The following TRPM5 variants were observed in gnomAD, a reference collection of about 807,000 sequenced individuals.
TRPM5 encodes the protein transient receptor potential cation channel subfamily M member 5.
Under a neutral mutation model 124.9 loss-of-function variants are expected in TRPM5, and 121 were observed. The ratio of observed to expected loss-of-function variants is 0.97; its 90% CI spans 0.84 to 1.13. The LOEUF (loss-of-function observed/expected upper bound fraction) is 1.13. Ranked by LOEUF, TRPM5 falls within the 50% of genes most tolerant of loss-of-function variation. TRPM5 has a pLI of 0.00. For missense variants in TRPM5, 1,643 were observed against 1,589.1 expected, an observed-to-expected ratio of 1.03 and a Z score of -0.58; for synonymous variants, 781 against 700.5, an observed-to-expected ratio of 1.11 and a Z score of -1.81.
chr11:2,412,819 G>A (rs968034030), exon 15 of TRPM5: 4 of 1,604,054 alleles, frequency 2.5e-6, no homozygotes, highest in Non-Finnish European at 3.4e-6. Context: ...GGCCCTGAGG[G>A]GCCCTGGGGG....
chr11:2,435,581 GTCCATCCATCCATCCATCCATCCA>G, the TRPM5 span, among the ~76,000 whole-genome samples: 37 of 150,110 alleles, frequency 2.5e-4, 1 homozygote, highest in African/African-American at 9.1e-4. The surrounding 1 kb of genome is among the most constrained non-coding windows in gnomAD (Gnocchi z 4.1). Flanking sequence ...CCATCTGTCT[GTCCATCCATCCATCCATCCATCCA>G]TCCATCCATC....
At chr11:2,431,876 G>C in the TRPM5 span, among the ~76,000 whole-genome samples, 1 of 152,206 alleles carries the variant, frequency 6.6e-6, no homozygotes, top group African/African-American at 2.4e-5. Flanking sequence ...TGTGTCCCCT[G>C]CATGAGACTA....
At chr11:2,422,240 G>A (rs561344989) in exon 2 of TRPM5, 1 of 1,612,540 alleles carries the variant, frequency 6.2e-7, no homozygotes, top group African/African-American at 1.3e-5. Flanking sequence ...GACACCACCA[G>A]GTTGGGGGCC....
At chr11:2,406,666 G>T (rs144705982) in exon 21 of TRPM5, 1 of 1,609,422 alleles carries the variant, frequency 6.2e-7, no homozygotes, top group African/African-American at 1.3e-5. Context: ...CGCACCTGTG[G>T]GCGGTTTTCC....
chr11:2,436,647 G>C, the TRPM5 span, among the ~76,000 whole-genome samples: 16 of 152,206 alleles, frequency 1.1e-4, no homozygotes, highest in African/African-American at 3.6e-4. Flanking sequence ...GAAGCTTGGC[G>C]GCCAGTGACG....
chr11:2,415,503 G>T (rs11605072), intron 8 of TRPM5, 32 bp from the exon 14 acceptor site: 113 of 1,433,568 alleles, frequency 7.9e-5, no homozygotes, highest in Non-Finnish European at 1.0e-4. Flanking sequence ...AGGGAAGGGG[G>T]ACAAGAGAGT....
Position 2,414,893 on chromosome 11 carries a change from C to A in TRPM5, c.1620+14G>T. On this transcript the variant is annotated intron_variant, in intron 10 of 23. Transcript: ENST00000155858. ...CTCCCCTGCCCCCGCGCTGGGCCCG[C>A]GGCCTGGGCTCACCATGGCCCAGAA... 1.9e-6 allele frequency: 3 copies of A among 1,599,208 alleles called. No individual in the cohort carries two copies. Among genetic ancestry groups the A allele is most frequent in the South Asian group, 2.2e-5 (2 of 89,256 alleles).
chr11:2,424,099 C>T (rs1036071682), upstream of TRPM5, among the ~76,000 whole-genome samples: 12 of 152,246 alleles, frequency 7.9e-5, no homozygotes, highest in African/African-American at 2.9e-4. Context: ...CCTGGGGCTA[C>T]CTGGCAGCTC....
chr11:2,429,199 G>A, the TRPM5 span, among the ~76,000 whole-genome samples: 1 of 151,434 alleles, frequency 6.6e-6, no homozygotes, highest in African/African-American at 2.4e-5. The surrounding 1 kb of genome is among the most constrained non-coding windows in gnomAD (Gnocchi z 8.4). Context: ...GGTGGTGTTG[G>A]TTGTTATGGT....
chr11:2,441,674 C>G, the TRPM5 span, among the ~76,000 whole-genome samples: 1 of 152,130 alleles, frequency 6.6e-6, no homozygotes, highest in Non-Finnish European at 1.5e-5. This position sits in a 1 kb window ranked among gnomAD's most constrained non-coding sequence, Gnocchi z 7.2. Context: ...CTCCAAGAAG[C>G]CTCCCTAGTG....
At chr11:2,434,344 TGTGA>T in the TRPM5 span, among the ~76,000 whole-genome samples, 4 of 150,346 alleles carry the variant, frequency 2.7e-5, no homozygotes, top group East Asian at 2.0e-4. Flanking sequence ...GCTGTGTGTG[TGTGA>T]ATGTGTGTAG....
chr11:2,408,047 C>T, intron 18 of TRPM5, 135 bp from the exon 24 acceptor site: 1 of 1,151,980 alleles, frequency 8.7e-7, no homozygotes, highest in East Asian at 2.6e-5. Flanking sequence ...GACCCACTGT[C>T]CCAGTTCACC....
chr11:2,421,339 G>A (rs1202763689), intron 2 of TRPM5, 141 bp from the exon 8 acceptor site: 1 of 1,119,114 alleles, frequency 8.9e-7, no homozygotes. Flanking sequence ...TCACGGTGGG[G>A]TGGGGAAGCC....
the TRPM5 span, among the ~76,000 whole-genome samples, chr11:2,441,247 G>A: frequency 1.8e-4 from 27 of 152,292 alleles, no homozygotes; most frequent in East Asian, 5.0e-3. The surrounding 1 kb of genome is among the most constrained non-coding windows in gnomAD (Gnocchi z 7.2). Context: ...GTCCTGGAGA[G>A]AGCAGGTGGC....
chr11:2,414,009 G>GGGGCCCCCC, intron 12 of TRPM5, 52 bp downstream of exon 17: 11 of 1,023,718 alleles, frequency 1.1e-5, no homozygotes, highest in Non-Finnish European at 1.4e-5. Flanking sequence ...GGCCCAGCTC[G>GGGGCCCCCC]CCCGCCCACC....
At chr11:2,428,959 ATAG>A in the TRPM5 span, among the ~76,000 whole-genome samples, 8 of 148,810 alleles carry the variant, frequency 5.4e-5, no homozygotes, top group Admixed American at 1.3e-4. This position sits in a 1 kb window ranked among gnomAD's most constrained non-coding sequence, Gnocchi z 4.0. Context: ...TGGGATGATG[ATAG>A]TAGTCATGGT....
At chr11:2,424,368 T>C (rs1049262013), upstream of TRPM5, among the ~76,000 whole-genome samples, 2 of 152,212 alleles carry the variant, frequency 1.3e-5, no homozygotes, top group African/African-American at 4.8e-5. Context: ...CCCTCCCCAT[T>C]AGGCCTCTGG....
At chr11:2,407,961 G>C in intron 18 of TRPM5, 49 bp from the exon 24 acceptor site, 4 of 1,596,044 alleles carry the variant, frequency 2.5e-6, no homozygotes, top group Non-Finnish European at 3.4e-6. Context: ...AGCCACAAGG[G>C]CGGCCTTAGG....
the TRPM5 span, among the ~76,000 whole-genome samples, chr11:2,435,238 G>A: frequency 1.3e-5 from 2 of 152,178 alleles, no homozygotes; most frequent in African/African-American, 2.4e-5. The surrounding 1 kb of genome is among the most constrained non-coding windows in gnomAD (Gnocchi z 4.1). Flanking sequence ...ATAAAGCAGG[G>A]GAGGCCCAGC....
Sources: gnomAD v4.1 joint callset for allele counts (sites outside exome capture counted in the v4.1 genomes callset) on GRCh38, gnomAD v4.1.1 for gene constraint, Gnocchi (gnomAD v3.1) non-coding constraint, MANE v1.5 for transcripts, NCBI Gene and HGNC (gene_info 2026-07-23, HGNC 2026-07-21) for gene names.